SGCD: variants seen among roughly 807,000 people sequenced by gnomAD.
The protein encoded by SGCD is delta-sarcoglycan.
SGCD carries 18 observed loss-of-function variants against 36.6 expected under a neutral mutation model. That is an observed-to-expected ratio of 0.49 (90% CI 0.34 to 0.73). SGCD has a LOEUF of 0.73. Among genes scored for constraint, SGCD ranks in the 30% least tolerant of loss-of-function variants. SGCD has a pLI of 0.01. For synonymous variants in SGCD, 133 were observed against 130.6 expected (o/e 1.02, Z -0.12); for missense variants, 387 against 346.7 (o/e 1.12, Z -0.92).
At chr5:156,333,904 G>A (rs1443526247) in intron 2 of SGCD, among the ~76,000 whole-genome samples, 1 of 136,118 alleles carries the variant, frequency 7.3e-6, no homozygotes, top group African/African-American at 2.7e-5. Flanking sequence ...AAGCGGAAAA[G>A]ACAGAAACCT....
chr5:156,054,347 G>T (rs922374359), intron 1 of SGCD, among the ~76,000 whole-genome samples: 1 of 136,634 alleles, frequency 7.3e-6, no homozygotes. Context: ...GTGCAGTGGC[G>T]CGATCTCGGC....
chr5:156,098,904 T>G (rs889155074), intron 1 of SGCD, among the ~76,000 whole-genome samples: 1 of 152,224 alleles, frequency 6.6e-6, no homozygotes, highest in African/African-American at 2.4e-5. Context: ...TGCCTCAAGT[T>G]CATGCCTCTC....
intron 4 of SGCD, among the ~76,000 whole-genome samples, chr5:156,577,345 G>A (rs192887790): frequency 6.6e-6 from 1 of 152,186 alleles, no homozygotes; most frequent in African/African-American, 2.4e-5. Flanking sequence ...TTGAAGTCAG[G>A]TAAAGTGATT....
intron 3 of SGCD, among the ~76,000 whole-genome samples, chr5:156,355,357 A>G (rs1769443616): frequency 6.6e-6 from 1 of 152,244 alleles, no homozygotes; most frequent in African/African-American, 2.4e-5. Flanking sequence ...ATTTCTCATA[A>G]TCTGATTAAC....
At chr5:156,320,984 G>A (rs989487657) in intron 3 of SGCD, among the ~76,000 whole-genome samples, 5 of 152,184 alleles carry the variant, frequency 3.3e-5, no homozygotes, top group Non-Finnish European at 7.3e-5. Context: ...GGCTGGCATC[G>A]TGCTACTGCC....
At chr5:156,146,738 T>A (rs1384377526) in intron 3 of SGCD, among the ~76,000 whole-genome samples, 1 of 152,210 alleles carries the variant, frequency 6.6e-6, no homozygotes, top group Non-Finnish European at 1.5e-5. Flanking sequence ...AAAATAAGCG[T>A]TAGTGAGCTA....
intron 3 of SGCD, among the ~76,000 whole-genome samples, chr5:156,312,303 C>G (rs1354130293): frequency 1.3e-5 from 2 of 152,302 alleles, no homozygotes; most frequent in African/African-American, 2.4e-5. Context: ...AGCTTTTTCC[C>G]TTCTACCATA....
In SGCD at chr5:156,444,116, C is replaced by CT. The variant is rs1561699474; in HGVS notation, c.193-64485_193-64484insT. ...TCTCTCTCTCTCTCTCTCTCTCTCT[C>CT]CCCTTCCCTCTCTCTCTCTCTCCTT... On this transcript the variant is annotated intron_variant, in intron 3 of 8. Transcript: ENST00000337851. 7.9e-4 allele frequency among the ~76,000 whole-genome samples: 65 copies of CT among 82,044 alleles called. 1 individual carries two copies. The highest frequency in any genetic ancestry group is 7.6e-3 in the Middle Eastern group (1 of 132). 53.8% of individuals were successfully genotyped at this position (82,044 alleles called of 152,430 possible).
chr5:155,849,622 T>C, the SGCD span, among the ~76,000 whole-genome samples: 1 of 152,324 alleles, frequency 6.6e-6, no homozygotes, highest in South Asian at 2.1e-4. Context: ...TGACATTAAC[T>C]ATGCCACTCT....
chr5:156,429,486 T>C (rs1773833378), intron 3 of SGCD, among the ~76,000 whole-genome samples: 1 of 152,038 alleles, frequency 6.6e-6, no homozygotes, highest in African/African-American at 2.4e-5. Context: ...GTCTTTTAAG[T>C]AGAACATTTA....
intron 3 of SGCD, among the ~76,000 whole-genome samples, chr5:156,361,670 T>C (rs1417835785): frequency 2.0e-5 from 3 of 152,214 alleles, no homozygotes; most frequent in Admixed American, 2.0e-4. Flanking sequence ...TAAAAGCATA[T>C]GTAACTTGGG....
At chr5:156,561,398 C>T (rs527694774) in intron 4 of SGCD, among the ~76,000 whole-genome samples, 2 of 152,180 alleles carry the variant, frequency 1.3e-5, no homozygotes, top group Non-Finnish European at 2.9e-5. Context: ...TAACGAGTGG[C>T]TCTTCATTTG....
intron 3 of SGCD, among the ~76,000 whole-genome samples, chr5:156,473,927 T>C (rs1182029569): frequency 6.6e-6 from 1 of 152,012 alleles, no homozygotes; most frequent in African/African-American, 2.4e-5. Context: ...TTTAATACCT[T>C]TGATACCAGT....
chr5:156,654,766 A>G (rs771637340), intron 7 of SGCD, among the ~76,000 whole-genome samples: 16 of 152,152 alleles, frequency 1.1e-4, no homozygotes, highest in Non-Finnish European at 1.9e-4. Context: ...AAATAATTTT[A>G]AAGTTAAAAA....
At chr5:156,657,403 C>T (rs1431620267) in intron 7 of SGCD, among the ~76,000 whole-genome samples, 4 of 138,084 alleles carry the variant, frequency 2.9e-5, no homozygotes, top group Non-Finnish European at 6.3e-5. Flanking sequence ...CCCCTCCCCC[C>T]ACCCCACAGT....
chr5:156,490,689 A>T (rs1362709630), intron 3 of SGCD, among the ~76,000 whole-genome samples: 1 of 152,000 alleles, frequency 6.6e-6, no homozygotes, highest in African/African-American at 2.4e-5. Context: ...TAAATTAGGC[A>T]TAGAAGGGAC....
At chr5:155,774,009 T>G in the SGCD span, among the ~76,000 whole-genome samples, 1 of 152,140 alleles carries the variant, frequency 6.6e-6, no homozygotes, top group Non-Finnish European at 1.5e-5. Flanking sequence ...TCTAGAATGC[T>G]TGATAAAAGT....
chr5:155,751,937 C>A, the SGCD span, among the ~76,000 whole-genome samples: 12 of 152,116 alleles, frequency 7.9e-5, no homozygotes, highest in Non-Finnish European at 1.5e-4. Context: ...CTTGGACAAA[C>A]CACATGACTT....
chr5:156,347,950 C>A (rs1229631838), intron 3 of SGCD, among the ~76,000 whole-genome samples: 3 of 152,072 alleles, frequency 2.0e-5, no homozygotes, highest in African/African-American at 7.2e-5. Context: ...AAGAATAATG[C>A]TGTTATTAGG....
Sources: allele counts gnomAD v4.1 joint callset (sites outside exome capture counted in the v4.1 genomes callset), GRCh38; gene constraint gnomAD v4.1.1; transcripts MANE v1.5; gene names NCBI Gene and HGNC (gene_info 2026-07-23, HGNC 2026-07-21).